Variants in PEAK1 observed in about 807,000 individuals in gnomAD.
PEAK1 encodes inactive tyrosine-protein kinase PEAK1.
PEAK1 carries 54 observed loss-of-function variants against 124.7 expected under a neutral mutation model. The observed-to-expected ratio is 0.43, with a 90% CI of 0.35 to 0.54. PEAK1 has a LOEUF of 0.54. PEAK1 is among the 20% of genes least tolerant of loss of function. The pLI is 0.01. For synonymous variants in PEAK1, 719 were observed against 760.0 expected (o/e 0.95, Z 0.89); for missense variants, 2,046 against 2,134.5 (o/e 0.96, Z 0.82).
intron 1 of PEAK1, among the ~76,000 whole-genome samples, chr15:77,412,733 G>A (rs2072516017): frequency 6.6e-6 from 1 of 151,954 alleles, no homozygotes; most frequent in African/African-American, 2.4e-5. Flanking sequence ...ATCCTCCAAT[G>A]AAAGGAACCA....
At chr15:77,372,240 C>T (rs1474419142) in intron 1 of PEAK1, among the ~76,000 whole-genome samples, 1 of 152,148 alleles carries the variant, frequency 6.6e-6, no homozygotes, top group African/African-American at 2.4e-5. Context: ...CAAGCATGTA[C>T]AAATATAACC....
intron 5 of PEAK1, among the ~76,000 whole-genome samples, chr15:77,277,179 G>C (rs949842167): frequency 6.6e-6 from 1 of 152,126 alleles, no homozygotes; most frequent in Non-Finnish European, 1.5e-5. Flanking sequence ...TCTCAACTTA[G>C]ATGGATCTCA....
chr15:77,356,430 A>C (rs975327665), intron 2 of PEAK1, among the ~76,000 whole-genome samples: 2 of 152,218 alleles, frequency 1.3e-5, no homozygotes, highest in African/African-American at 4.8e-5. Context: ...AAAATTGCAT[A>C]AGCCCTTTGG....
intron 5 of PEAK1, among the ~76,000 whole-genome samples, chr15:77,268,094 A>T (rs1467885429): frequency 1.3e-5 from 2 of 152,246 alleles, no homozygotes; most frequent in African/African-American, 4.8e-5. Flanking sequence ...ATAGAACTGA[A>T]CAAGTAGAAG....
At chr15:77,127,322 T>C (rs1046221935) in intron 9 of PEAK1, among the ~76,000 whole-genome samples, 1 of 152,206 alleles carries the variant, frequency 6.6e-6, no homozygotes, top group Non-Finnish European at 1.5e-5. Flanking sequence ...TATTTTGTTA[T>C]GGCAGCCTGA....
At chr15:77,334,313 G>C in intron 2 of PEAK1, 1 of 985,244 alleles carries the variant, frequency 1.0e-6, no homozygotes, top group Non-Finnish European at 1.2e-6. Flanking sequence ...CTTCTCTTTT[G>C]AAATGACTGC....
At chr15:77,212,586 C>T (rs1362331243) in intron 6 of PEAK1, among the ~76,000 whole-genome samples, 1 of 152,140 alleles carries the variant, frequency 6.6e-6, no homozygotes, top group Non-Finnish European at 1.5e-5. Flanking sequence ...AGACTCATAA[C>T]AGAATTTGAT....
intron 8 of PEAK1, among the ~76,000 whole-genome samples, chr15:77,138,243 T>C (rs1259195474): frequency 6.6e-6 from 1 of 152,030 alleles, no homozygotes; most frequent in Non-Finnish European, 1.5e-5. Context: ...AAATACAGTA[T>C]AAAAGATAAA....
intron 6 of PEAK1, among the ~76,000 whole-genome samples, chr15:77,234,056 G>T (rs1436876253): frequency 2.0e-5 from 3 of 151,970 alleles, no homozygotes; most frequent in Non-Finnish European, 4.4e-5. Context: ...TGTAGAGATG[G>T]GATCTTGCCA....
intron 6 of PEAK1, among the ~76,000 whole-genome samples, chr15:77,231,267 T>G (rs1258393889): frequency 6.6e-6 from 1 of 152,188 alleles, no homozygotes; most frequent in Non-Finnish European, 1.5e-5. Flanking sequence ...AAAAAAAGTA[T>G]AATAGGCTCC....
Position 77,383,075 on chromosome 15 carries a change from C to T in PEAK1, c.-665-17850G>A, listed in dbSNP as rs574850901. Among the ~76,000 whole-genome samples, 20 of 141,098 alleles carry T rather than the reference C, an allele frequency of 1.4e-4. No homozygotes were observed. The South Asian group carries it at 3.1e-3, about 22-fold the overall frequency. The allele number at this position is 141,098 out of a possible 152,430, so 92.6% of individuals were successfully genotyped here. A position where few individuals can be genotyped will look rare whatever the true frequency, so the allele number is the denominator to read the frequency against. On this transcript the variant is annotated intron_variant, in intron 1 of 9. Transcript: ENST00000682557. Reference sequence around the variant, plus strand: ...TCTTGCTCTATTGCCCAGGCTGGAGCGTAAGTGGTATGAGCTCAACTCACT... The same window carrying T: ...TCTTGCTCTATTGCCCAGGCTGGAGTGTAAGTGGTATGAGCTCAACTCACT...
At chr15:77,129,491 G>A (rs1432619209) in intron 9 of PEAK1, among the ~76,000 whole-genome samples, 1 of 151,124 alleles carries the variant, frequency 6.6e-6, no homozygotes, top group Non-Finnish European at 1.5e-5. Flanking sequence ...GCCCAGGCTG[G>A]AGTGCAGTGC....
intron 6 of PEAK1, among the ~76,000 whole-genome samples, chr15:77,186,832 C>A (rs1422643556): frequency 1.3e-5 from 2 of 152,288 alleles, no homozygotes; most frequent in East Asian, 3.9e-4. Context: ...GGAATCTGTA[C>A]CAGATGCAGG....
intron 2 of PEAK1, chr15:77,333,813 A>C (rs2066032476): frequency 2.5e-6 from 2 of 795,954 alleles, no homozygotes; most frequent in Admixed American, 1.3e-4. Context: ...AGATTTATAA[A>C]AATCTTCTAA....
chr15:77,355,852 GC>G (rs1228494562), intron 2 of PEAK1: 3 of 985,092 alleles, frequency 3.0e-6, no homozygotes, highest in Non-Finnish European at 3.6e-6. Context: ...CAGAATATCA[GC>G]CCTGGAAAAG....
chr15:77,180,269 C>G lies in PEAK1; in HGVS notation c.1658G>C (p.Ser553Thr). The G allele has an allele frequency of 3.1e-6, 5 of 1,614,154 alleles. No homozygotes were observed. The highest frequency in any genetic ancestry group is 4.2e-6 in the Non-Finnish European group (5 of 1,180,020). Residue 553 changes from serine to threonine, a missense_variant, in exon 7 of 10, where the codon AGT (serine) becomes ACT (threonine). Ser to Thr is a moderately conservative substitution (Grantham distance 58, BLOSUM62 1). Transcript: ENST00000682557. ...QKIPKVELIT[S>T]GTGPNVPPRK... is the part of the protein sequence containing the mutation. ...TGGAGGAACATTTGGTCCAGTTCCA[C>G]TAGTAATTAGTTCTACTTTAGGTAT...
intron 6 of PEAK1, among the ~76,000 whole-genome samples, chr15:77,190,098 T>G (rs2152832238): frequency 6.6e-6 from 1 of 152,346 alleles, no homozygotes; most frequent in Middle Eastern, 3.4e-3. Context: ...GAGGCTTTAT[T>G]GTCTTGTGTT....
chr15:77,275,346 T>C (rs922926295), intron 5 of PEAK1, among the ~76,000 whole-genome samples: 4 of 152,126 alleles, frequency 2.6e-5, no homozygotes, highest in Admixed American at 6.6e-5. Context: ...AAAATAAATA[T>C]GTACATCTTG....
At chr15:77,278,493 C>T in intron 5 of PEAK1, 1 of 497,050 alleles carries the variant, frequency 2.0e-6, no homozygotes, top group Non-Finnish European at 4.0e-6. Flanking sequence ...GAAGGGGATG[C>T]TAAAGGAGAT....
Sources: gnomAD v4.1 joint callset for allele counts (sites outside exome capture counted in the v4.1 genomes callset) on GRCh38, gnomAD v4.1.1 for gene constraint, MANE v1.5 for transcripts, NCBI Gene and HGNC (gene_info 2026-07-23, HGNC 2026-07-21) for gene names.